SLC6A6: variants seen among roughly 807,000 people sequenced by gnomAD.
SLC6A6 encodes the protein solute carrier family 6 member 6, also known as sodium- and chloride-dependent taurine transporter.
A neutral mutation model predicts 68.8 loss-of-function variants in SLC6A6; 16 were observed. The observed-to-expected ratio is 0.23, with a 90% CI of 0.16 to 0.35. The LOEUF (loss-of-function observed/expected upper bound fraction) is 0.35. SLC6A6 is among the 10% of genes least tolerant of loss of function. The pLI, the probability that SLC6A6 is intolerant of heterozygous loss-of-function variation, is 1.00. For synonymous variants in SLC6A6, 312 were observed against 315.4 expected (o/e 0.99, Z 0.12); for missense variants, 474 against 802.8 (o/e 0.59, Z 4.95).
At chr3:14,452,727 C>T (rs181954450) in intron 5 of SLC6A6, among the ~76,000 whole-genome samples, 26 of 152,344 alleles carry the variant, frequency 1.7e-4, no homozygotes, top group African/African-American at 6.3e-4. Context: ...TGAGAAGCCG[C>T]TGGGGCCCCA....
At chr3:14,484,837 TC>T (rs1417790584) in intron 14 of SLC6A6, 29 bp from the exon 15 acceptor site, 23 of 1,605,224 alleles carry the variant, frequency 1.4e-5, no homozygotes, top group South Asian at 8.8e-5. Flanking sequence ...GCCTGACGTT[TC>T]CCCCCTCACT....
chr3:14,477,524 C>G lies in SLC6A6; in HGVS notation c.1347+182C>G, dbSNP rs1457840430. Among the ~76,000 whole-genome samples, 2 of 152,216 alleles carry G rather than the reference C, an allele frequency of 1.3e-5. No homozygotes were observed. ...CACGAGGGGGCTCAGGAGCCCACAG[C>G]TGACCCAAACTACCCAATTATTTTG... On this transcript the variant is annotated intron_variant, in intron 11 of 14. Transcript: ENST00000622186. This position sits in a 1 kb window ranked among gnomAD's most constrained non-coding sequence, Gnocchi z 4.2.
intron 11 of SLC6A6, 30 bp from the exon 12 acceptor site, chr3:14,478,436 A>G (rs1221772033): frequency 1.4e-6 from 2 of 1,414,496 alleles, no homozygotes; most frequent in Admixed American, 1.7e-5. Context: ...CAGGTAGGAA[A>G]TCGACCTTCT....
chr3:14,433,631 A>G lies in SLC6A6; in HGVS notation c.-11-9993A>G, dbSNP rs563966700. Among the ~76,000 whole-genome samples the G allele has an allele frequency of 2.7e-3, 403 of 152,046 alleles. 3 individuals are homozygous for G. Among genetic ancestry groups the G allele is most frequent in the Non-Finnish European group, 4.4e-3 (298 of 67,960 alleles). ...AGCCTGGCCAACATGGTGAAACCCCATCTCTACTAAAAATACTAAATAATT... is the reference window on the plus strand; with the variant it reads ...AGCCTGGCCAACATGGTGAAACCCCGTCTCTACTAAAAATACTAAATAATT... On this transcript the variant is annotated intron_variant, in intron 2 of 14. Coordinates refer to ENST00000622186, the MANE Select transcript of SLC6A6 (RefSeq NM_003043.6).
chr3:14,461,977 G>C (rs923441939), intron 6 of SLC6A6, among the ~76,000 whole-genome samples: 1 of 152,242 alleles, frequency 6.6e-6, no homozygotes, highest in African/African-American at 2.4e-5. Flanking sequence ...AGGGGATGGA[G>C]AAAAGTTGTC....
chr3:14,463,879 G>A (rs1003833428), intron 6 of SLC6A6, among the ~76,000 whole-genome samples: 9 of 152,220 alleles, frequency 5.9e-5, no homozygotes, highest in African/African-American at 2.2e-4. Context: ...TCCTGACAGT[G>A]CCGGCCAAAG....
At chr3:14,457,251 C>T (rs547795459) in intron 5 of SLC6A6, among the ~76,000 whole-genome samples, 1 of 152,170 alleles carries the variant, frequency 6.6e-6, no homozygotes, top group African/African-American at 2.4e-5. Context: ...AACCGTTTAC[C>T]TGCCTCTCTC....
chr3:14,482,077 G>A (rs534460932), intron 14 of SLC6A6, among the ~76,000 whole-genome samples: 1 of 152,366 alleles, frequency 6.6e-6, no homozygotes, highest in African/African-American at 2.4e-5. Flanking sequence ...TGTGGGGTGA[G>A]GAGGAACTTG....
At position 14,472,669 on chromosome 3, in the gene SLC6A6, C is replaced by A. The variant is rs760728832; in HGVS notation, c.1209+352C>A. On this transcript the variant is annotated intron_variant, in intron 10 of 14. Coordinates refer to ENST00000622186, the MANE Select transcript of SLC6A6 (RefSeq NM_003043.6). This position sits in a 1 kb window ranked among gnomAD's most constrained non-coding sequence, Gnocchi z 4.5. ...AAGCCACAAATGACGAATTGGAGGT[C>A]ATGACTCAATAAGTCATGATGTGCT... Among the ~76,000 whole-genome samples the A allele has an allele frequency of 1.2e-4, 18 of 152,142 alleles. No homozygotes were observed. Among genetic ancestry groups the A allele is most frequent in the Non-Finnish European group, 2.5e-4 (17 of 68,034 alleles).
intron 4 of SLC6A6, 145 bp downstream of exon 4, chr3:14,445,996 A>G (rs1312920295): frequency 2.5e-6 from 2 of 807,474 alleles, no homozygotes; most frequent in Non-Finnish European, 3.9e-6. Flanking sequence ...CCAGTACAGT[A>G]CCAGTGTGAT....
chr3:14,432,191 A>T (rs1023895184), intron 2 of SLC6A6, among the ~76,000 whole-genome samples: 1 of 152,208 alleles, frequency 6.6e-6, no homozygotes, highest in Non-Finnish European at 1.5e-5. Flanking sequence ...GCAGGGCTTT[A>T]GGCTTCTTAC....
intron 1 of SLC6A6, among the ~76,000 whole-genome samples, chr3:14,410,228 TC>T (rs1319950483): frequency 1.4e-5 from 2 of 143,048 alleles, no homozygotes; most frequent in African/African-American, 2.6e-5. Context: ...CTCCCTGTGC[TC>T]CCCCCTCCCA....
intron 1 of SLC6A6, among the ~76,000 whole-genome samples, chr3:14,407,312 T>C (rs1029550747): frequency 6.6e-6 from 1 of 152,068 alleles, no homozygotes; most frequent in Admixed American, 6.6e-5. Flanking sequence ...AGATGATTTT[T>C]AAAAAATGTT....
At chr3:14,440,409 C>T (rs962383814) in intron 2 of SLC6A6, among the ~76,000 whole-genome samples, 2 of 151,976 alleles carry the variant, frequency 1.3e-5, no homozygotes, top group Admixed American at 1.3e-4. Flanking sequence ...GTAGGAGGGA[C>T]TAAAGCAGTT....
intron 12 of SLC6A6, chr3:14,478,859 A>G: frequency 1.7e-6 from 1 of 594,240 alleles, no homozygotes; most frequent in Non-Finnish European, 3.0e-6. Context: ...GGCTGTGCCT[A>G]AGATTGCACA....
chr3:14,408,254 GTGATCCTTTCGGATCATTATAAAA>G (rs1372410426), intron 1 of SLC6A6, among the ~76,000 whole-genome samples: 7 of 152,088 alleles, frequency 4.6e-5, no homozygotes, highest in African/African-American at 1.7e-4. Context: ...AAACTAAAAA[GTGATCCTTTCGGATCATTATAAAA>G]AAGTACAATC....
intron 5 of SLC6A6, among the ~76,000 whole-genome samples, chr3:14,457,497 G>T (rs933865404): frequency 2.0e-5 from 3 of 152,224 alleles, no homozygotes; most frequent in Non-Finnish European, 2.9e-5. Flanking sequence ...TTGGGGGAGG[G>T]CAACACTTTA....
At chr3:14,427,316 T>G (rs966785004) in intron 2 of SLC6A6, among the ~76,000 whole-genome samples, 1 of 152,170 alleles carries the variant, frequency 6.6e-6, no homozygotes, top group Non-Finnish European at 1.5e-5. Flanking sequence ...GAAATTAACC[T>G]GGTGGGATCG....
intron 2 of SLC6A6, among the ~76,000 whole-genome samples, chr3:14,425,990 C>A (rs73815274): frequency 1.3e-5 from 2 of 152,296 alleles, no homozygotes; most frequent in East Asian, 3.9e-4. Flanking sequence ...CACTGGGCCT[C>A]GCGCAGCCAG....
Sources: gnomAD v4.1 joint callset for allele counts (sites outside exome capture counted in the v4.1 genomes callset) on GRCh38, gnomAD v4.1.1 for gene constraint, Gnocchi (gnomAD v3.1) non-coding constraint, MANE v1.5 for transcripts, NCBI Gene and HGNC (gene_info 2026-07-23, HGNC 2026-07-21) for gene names.